The following PCDH15 variants were observed in gnomAD, a reference collection of about 807,000 sequenced individuals.
PCDH15 encodes protocadherin-15.
A neutral mutation model predicts 178.5 loss-of-function variants in PCDH15; 129 were observed. The ratio of observed to expected loss-of-function variants is 0.72; its 90% CI spans 0.63 to 0.84. The LOEUF (loss-of-function observed/expected upper bound fraction) is 0.84. Among genes scored for constraint, PCDH15 ranks in the 40% least tolerant of loss-of-function variants. The pLI is 0.00. For synonymous variants in PCDH15, 800 were observed against 732.0 expected (o/e 1.09, Z -1.50); for missense variants, 2,230 against 2,099.9 (o/e 1.06, Z -1.21).
At chr10:55,583,377 T>C (rs1272266595) in intron 2 of PCDH15, among the ~76,000 whole-genome samples, 1 of 152,132 alleles carries the variant, frequency 6.6e-6, no homozygotes, top group Non-Finnish European at 1.5e-5. Flanking sequence ...ACCCATAATG[T>C]TTCTTGTTTT....
chr10:55,545,593 T>C (rs1841862755), intron 2 of PCDH15, among the ~76,000 whole-genome samples: 1 of 151,418 alleles, frequency 6.6e-6, no homozygotes. Context: ...GTATTTTTAG[T>C]AGAGACAGGG....
At chr10:54,645,400 G>T (rs968622884) in intron 2 of PCDH15, among the ~76,000 whole-genome samples, 9 of 151,940 alleles carry the variant, frequency 5.9e-5, no homozygotes, top group Non-Finnish European at 1.3e-4. Flanking sequence ...ATGAAGAATG[G>T]AGATAGAATA....
At chr10:54,058,904 G>A (rs556166450) in intron 18 of PCDH15, among the ~76,000 whole-genome samples, 28 of 152,104 alleles carry the variant, frequency 1.8e-4, no homozygotes, top group African/African-American at 6.5e-4. Flanking sequence ...ATGTTGGTCA[G>A]GCTAGTCTCA....
rs541615966 is a variant in PCDH15, at chr10:53,805,603, C to A, written c.*976G>T. The stretch of plus-strand genomic sequence containing the variant: ...AACATTTGAAGTTATGAATTCATAG[C>A]CTTTATAAGCTTTATATATTATATA... On this transcript the variant is annotated 3_prime_UTR_variant, in exon 38 of 38. Coordinates refer to ENST00000644397, the MANE Select transcript of PCDH15 (RefSeq NM_001384140.1). 1 of 151,972 alleles carries A rather than the reference C, an allele frequency of 6.6e-6. No individual in the cohort carries two copies. Among genetic ancestry groups the A allele is most frequent in the African/African-American group, 2.4e-5 (1 of 41,384 alleles). 9.4% of individuals were successfully genotyped at this position (151,972 alleles called of 1,614,324 possible). A position where few individuals can be genotyped will look rare whatever the true frequency, so the allele number is the denominator to read the frequency against.
chr10:55,019,971 A>G (rs1299920494), intron 2 of PCDH15, among the ~76,000 whole-genome samples: 1 of 151,926 alleles, frequency 6.6e-6, no homozygotes, highest in African/African-American at 2.4e-5. Context: ...AGCCAAATCA[A>G]GGTAACAGAA....
intron 1 of PCDH15, among the ~76,000 whole-genome samples, chr10:54,800,093 A>G (rs1250065040): frequency 1.3e-5 from 2 of 152,160 alleles, no homozygotes; most frequent in Non-Finnish European, 2.9e-5. Context: ...ATTATACTCT[A>G]GTTAACAATG....
chr10:54,961,109 C>A (rs11004647), intron 2 of PCDH15, among the ~76,000 whole-genome samples: 56,996 of 152,156 alleles, frequency 0.37, 11,672 homozygotes, highest in East Asian at 0.69. Flanking sequence ...GGAGCAGCCA[C>A]TACAGTGATG....
intron 1 of PCDH15, among the ~76,000 whole-genome samples, chr10:55,255,513 C>T (rs1039562997): frequency 2.0e-5 from 3 of 152,138 alleles, no homozygotes; most frequent in African/African-American, 7.2e-5. Context: ...TTCTAGATCC[C>T]TGAGGAATCG....
At chr10:55,465,288 C>A (rs530847942) in intron 2 of PCDH15, among the ~76,000 whole-genome samples, 1 of 152,266 alleles carries the variant, frequency 6.6e-6, no homozygotes, top group Non-Finnish European at 1.5e-5. Flanking sequence ...TAGGTTGGAA[C>A]TGGTTTTGAA....
rs570250823 is a variant in PCDH15, at chr10:55,621,442, T to C, written c.-156+6183A>G. On this transcript the variant is annotated intron_variant, in intron 2 of 5. Transcript: ENST00000613346. ...CAGGGGCTGCAGACCAGTTACCTGT[T>C]CATGGCCTGTTAGGAACTGGGCCTC... Among the ~76,000 whole-genome samples, 5 of 152,270 alleles carry C rather than the reference T, an allele frequency of 3.3e-5. No homozygotes were observed. In the South Asian group the frequency reaches 8.3e-4, roughly 25 times the overall value.
chr10:54,673,604 A>G (rs2094720531), intron 1 of PCDH15, among the ~76,000 whole-genome samples: 1 of 151,848 alleles, frequency 6.6e-6, no homozygotes, highest in South Asian at 2.1e-4. Context: ...ACGCACGGCT[A>G]ATTTTGTATT....
intron 1 of PCDH15, among the ~76,000 whole-genome samples, chr10:54,687,337 C>G (rs571194882): frequency 6.6e-6 from 1 of 152,202 alleles, no homozygotes; most frequent in South Asian, 2.1e-4. Context: ...ATTACACTCT[C>G]AGATACAATC....
intron 9 of PCDH15, 131 bp from the exon 10 acceptor site, chr10:54,214,179 G>T: frequency 1.6e-6 from 1 of 617,910 alleles, no homozygotes; most frequent in South Asian, 1.6e-5. Context: ...TCACAATTAT[G>T]CAGTTCAGGG....
chr10:54,450,448 C>T (rs993150994), intron 3 of PCDH15, among the ~76,000 whole-genome samples: 6 of 151,192 alleles, frequency 4.0e-5, no homozygotes, highest in African/African-American at 9.7e-5. Flanking sequence ...ATTCCAAATA[C>T]GGTTTGTCAT....
intron 2 of PCDH15, among the ~76,000 whole-genome samples, chr10:55,361,026 A>G (rs915420713): frequency 6.6e-5 from 10 of 151,996 alleles, no homozygotes; most frequent in Admixed American, 6.6e-4. Flanking sequence ...CATTTTCTGA[A>G]TGGACCACAA....
intron 1 of PCDH15, among the ~76,000 whole-genome samples, chr10:55,222,263 A>G (rs1381194831): frequency 6.6e-6 from 1 of 152,018 alleles, no homozygotes; most frequent in Non-Finnish European, 1.5e-5. Context: ...ATAAGCTAGT[A>G]CTAGCTAATG....
At chr10:53,862,699 T>C (rs2079180319) in intron 27 of PCDH15, among the ~76,000 whole-genome samples, 1 of 152,192 alleles carries the variant, frequency 6.6e-6, no homozygotes, top group African/African-American at 2.4e-5. Context: ...TGAATAACCA[T>C]ATTTTGTCTC....
At chr10:54,941,179 C>T (rs545323831) in intron 2 of PCDH15, among the ~76,000 whole-genome samples, 1 of 151,730 alleles carries the variant, frequency 6.6e-6, no homozygotes, top group Non-Finnish European at 1.5e-5. Flanking sequence ...TTAAAATTTT[C>T]TTAATGTTCA....
At chr10:53,834,861 T>G (rs1216719664) in intron 29 of PCDH15, among the ~76,000 whole-genome samples, 2 of 152,148 alleles carry the variant, frequency 1.3e-5, no homozygotes, top group East Asian at 3.9e-4. Context: ...GATACTGCAA[T>G]GTACATATGA....
Sources: allele counts gnomAD v4.1 joint callset (sites outside exome capture counted in the v4.1 genomes callset), GRCh38; gene constraint gnomAD v4.1.1; transcripts MANE v1.5; gene names NCBI Gene and HGNC (gene_info 2026-07-23, HGNC 2026-07-21).